KCNN2: variants seen among roughly 807,000 people sequenced by gnomAD.
KCNN2 encodes potassium calcium-activated channel subfamily N member 2, also known as small conductance calcium-activated potassium channel protein 2.
A neutral mutation model predicts 55.5 loss-of-function variants in KCNN2; 24 were observed. The ratio of observed to expected loss-of-function variants is 0.43; its 90% CI spans 0.31 to 0.61. The LOEUF (loss-of-function observed/expected upper bound fraction) is 0.61, where lower values mean the gene tolerates loss of function less well. KCNN2 is among the 20% of genes least tolerant of loss of function. The pLI, the probability that KCNN2 is intolerant of heterozygous loss-of-function variation, is 0.08. For missense variants in KCNN2, 754 were observed against 853.6 expected, an observed-to-expected ratio of 0.88 and a Z score of 1.45; for synonymous variants, 431 against 336.1, an observed-to-expected ratio of 1.28 and a Z score of -3.09.
intron 1 of KCNN2, among the ~76,000 whole-genome samples, chr5:114,196,305 A>C (rs985054051): frequency 2.6e-5 from 4 of 151,994 alleles, no homozygotes; most frequent in Admixed American, 6.6e-5. Context: ...ATCTGTGTTC[A>C]TAAGGGATAT....
intron 1 of KCNN2, among the ~76,000 whole-genome samples, chr5:114,155,351 A>C (rs922252665): frequency 6.6e-6 from 1 of 152,146 alleles, no homozygotes; most frequent in Non-Finnish European, 1.5e-5. Context: ...GTGAACATAC[A>C]TGTGCATCTG....
intron 2 of KCNN2, among the ~76,000 whole-genome samples, chr5:114,370,376 T>C (rs779848591): frequency 6.6e-5 from 10 of 152,102 alleles, no homozygotes; most frequent in African/African-American, 9.7e-5. Flanking sequence ...GCAAATGCAA[T>C]GAGGAATAAG....
chr5:114,411,763 G>A lies in KCNN2; in HGVS notation c.1637+6907G>A, dbSNP rs61449848. ...GATGGTGCTCACCCACGTTGAGGGT[G>A]GATCTTCCTCACTCAGTTCGCTGAC... is the stretch of plus-strand genomic sequence containing the variant. On this transcript the variant is annotated intron_variant, in intron 3 of 7. Transcript: ENST00000673685. 3.3e-5 allele frequency among the ~76,000 whole-genome samples: 5 copies of A among 152,234 alleles called. No homozygotes were observed. The East Asian group carries it at 9.7e-4, about 29-fold the overall frequency.
At chr5:114,126,350 C>A (rs1580536036) in intron 1 of KCNN2, among the ~76,000 whole-genome samples, 1 of 152,120 alleles carries the variant, frequency 6.6e-6, no homozygotes, top group Admixed American at 6.5e-5. Flanking sequence ...GCTGGGGAGG[C>A]CTCAGGAAAC....
At chr5:114,142,347 T>C (rs1329387421) in intron 1 of KCNN2, among the ~76,000 whole-genome samples, 1 of 152,176 alleles carries the variant, frequency 6.6e-6, no homozygotes, top group Non-Finnish European at 1.5e-5. Context: ...GCTTTCTACA[T>C]ATGGCTAGCC....
At chr5:114,380,981 C>T (rs981900629) in intron 2 of KCNN2, among the ~76,000 whole-genome samples, 1 of 152,162 alleles carries the variant, frequency 6.6e-6, no homozygotes, top group Non-Finnish European at 1.5e-5. Flanking sequence ...AGGGTTCTCA[C>T]ATCTTGTGCG....
chr5:114,372,155 T>G (rs899373679), intron 2 of KCNN2, among the ~76,000 whole-genome samples: 1 of 152,182 alleles, frequency 6.6e-6, no homozygotes, highest in African/African-American at 2.4e-5. Context: ...GCGTTTAAAT[T>G]GGTGCTAGAT....
chr5:114,103,834 T>TA (rs1751422784), intron 1 of KCNN2, among the ~76,000 whole-genome samples: 1 of 152,164 alleles, frequency 6.6e-6, no homozygotes, highest in South Asian at 2.1e-4. Context: ...TGCCAATATT[T>TA]TATTGAGGAT....
intron 1 of KCNN2, among the ~76,000 whole-genome samples, chr5:114,182,183 A>G (rs1753253769): frequency 6.6e-6 from 1 of 151,874 alleles, no homozygotes; most frequent in South Asian, 2.1e-4. Flanking sequence ...TTATCAATCT[A>G]CTTCTGAGTT....
At chr5:114,329,725 A>G (rs1252993443) in intron 2 of KCNN2, among the ~76,000 whole-genome samples, 1 of 152,052 alleles carries the variant, frequency 6.6e-6, no homozygotes, top group African/African-American at 2.4e-5. Context: ...ATATATACAT[A>G]TATCCTTTTA....
At chr5:114,211,570 G>T (rs1390556067) in intron 1 of KCNN2, among the ~76,000 whole-genome samples, 1 of 152,054 alleles carries the variant, frequency 6.6e-6, no homozygotes, top group Non-Finnish European at 1.5e-5. Context: ...GAGGGAGGAG[G>T]GTGGGAGAAG....
intron 1 of KCNN2, among the ~76,000 whole-genome samples, chr5:114,111,510 A>C (rs1751596564): frequency 6.6e-6 from 1 of 152,230 alleles, no homozygotes; most frequent in Non-Finnish European, 1.5e-5. Context: ...GAGCTTCTGC[A>C]CAGCAAAATA....
chr5:114,331,819 A>G (rs1446682368), intron 2 of KCNN2, among the ~76,000 whole-genome samples: 1 of 152,180 alleles, frequency 6.6e-6, no homozygotes, highest in Admixed American at 6.5e-5. Context: ...ATGCAACATG[A>G]TCTTCTACTC....
At chr5:114,105,777 C>G (rs1174928263) in intron 1 of KCNN2, among the ~76,000 whole-genome samples, 1 of 151,986 alleles carries the variant, frequency 6.6e-6, no homozygotes, top group Admixed American at 6.6e-5. Flanking sequence ...TAATGCTGGA[C>G]TGTGGTAAGT....
intron 1 of KCNN2, among the ~76,000 whole-genome samples, chr5:114,202,807 C>T (rs991795943): frequency 9.9e-5 from 15 of 152,004 alleles, no homozygotes; most frequent in African/African-American, 2.7e-4. Context: ...AGGATGGTCT[C>T]GGTCTCCTGA....
chr5:114,099,769 A>T (rs1751337293), intron 1 of KCNN2, among the ~76,000 whole-genome samples: 1 of 152,166 alleles, frequency 6.6e-6, no homozygotes, highest in African/African-American at 2.4e-5. Context: ...AAAAAGTTTT[A>T]GTCAAAAAGA....
chr5:114,114,873 A>T (rs1751680148), intron 1 of KCNN2, among the ~76,000 whole-genome samples: 1 of 152,176 alleles, frequency 6.6e-6, no homozygotes, highest in Non-Finnish European at 1.5e-5. Flanking sequence ...TTCACACAGC[A>T]ATACAGGATT....
intron 1 of KCNN2, among the ~76,000 whole-genome samples, chr5:114,106,643 G>GTTTTTTTTTTTTTTTTTTTTTTTT (rs149036166): frequency 1.4e-5 from 1 of 69,932 alleles, no homozygotes; most frequent in Non-Finnish European, 3.1e-5. Flanking sequence ...TTTTCCAGTT[G>GTTTTTTTTTTTTTTTTTTTTTTTT]TTTTTTTTTT....
chr5:114,185,537 C>G (rs1753314031), intron 1 of KCNN2, among the ~76,000 whole-genome samples: 2 of 152,204 alleles, frequency 1.3e-5, no homozygotes, highest in Admixed American at 6.5e-5. Flanking sequence ...AGCGCTCTAG[C>G]AGGGAACTCT....
Sources: gnomAD v4.1 joint callset for allele counts (sites outside exome capture counted in the v4.1 genomes callset) on GRCh38, gnomAD v4.1.1 for gene constraint, MANE v1.5 for transcripts, NCBI Gene and HGNC (gene_info 2026-07-23, HGNC 2026-07-21) for gene names.